The following DOCK5 variants were observed in gnomAD, a reference collection of about 807,000 sequenced individuals.
The protein encoded by DOCK5 is dedicator of cytokinesis 5.
Under a neutral mutation model 251.8 loss-of-function variants are expected in DOCK5, and 142 were observed. The ratio of observed to expected loss-of-function variants is 0.56; its 90% CI spans 0.49 to 0.65. The LOEUF (loss-of-function observed/expected upper bound fraction) is 0.65, where lower values mean the gene tolerates loss of function less well. Ranked by LOEUF, DOCK5 falls within the 30% of genes least tolerant of loss-of-function variation. The pLI, the probability that DOCK5 is intolerant of heterozygous loss-of-function variation, is 0.00. For missense variants in DOCK5, 2,111 were observed against 2,312.3 expected, an observed-to-expected ratio of 0.91 and a Z score of 1.79; for synonymous variants, 842 against 835.5, an observed-to-expected ratio of 1.01 and a Z score of -0.13.
chr8:25,398,999 G>T (rs376592685), intron 45 of DOCK5, among the ~76,000 whole-genome samples: 11 of 152,262 alleles, frequency 7.2e-5, no homozygotes, highest in African/African-American at 2.6e-4. Context: ...GGAGCTCTTG[G>T]TTTTATATAA....
chr8:25,282,480 TTACTAGTATGTAGCAA>T (rs1804220534), intron 5 of DOCK5, among the ~76,000 whole-genome samples: 1 of 152,166 alleles, frequency 6.6e-6, no homozygotes, highest in African/African-American at 2.4e-5. Context: ...AATACAGATT[TTACTAGTATGTAGCAA>T]TACTTGTATT....
chr8:25,385,318 T>C (rs1801146024), intron 40 of DOCK5, among the ~76,000 whole-genome samples: 1 of 152,080 alleles, frequency 6.6e-6, no homozygotes, highest in Admixed American at 6.6e-5. Context: ...TAAGAGACCA[T>C]TGCAGATGTT....
intron 7 of DOCK5, 48 bp from the exon 8 acceptor site, chr8:25,298,896 C>G: frequency 6.4e-7 from 1 of 1,550,656 alleles, no homozygotes; most frequent in Non-Finnish European, 8.7e-7. Context: ...GCCAACATTT[C>G]CCATTTGCCA....
rs1349407099 is a variant in DOCK5 at position 25,372,618 on chromosome 8, T to TTAGAAGA, written c.3584_3585insTAGAAGA (p.Leu1196ArgfsTer15). The stretch of plus-strand genomic sequence containing the variant: ...TCCAGCTCTGGGGAGGTCTTCGCCC[T>TTAGAAGA]CCTGGTCAGCAGCCTCTTAGAGAAC... On this transcript the variant is annotated frameshift_variant, in exon 35 of 52. Coordinates refer to ENST00000276440, the MANE Select transcript of DOCK5 (RefSeq NM_024940.8). LOFTEE classifies it high-confidence loss of function. 1 of 1,606,504 alleles carries TTAGAAGA rather than the reference T, an allele frequency of 6.2e-7. No individual in the cohort carries two copies. Among genetic ancestry groups the TTAGAAGA allele is most frequent in the African/African-American group, 1.3e-5 (1 of 74,530 alleles).
At chr8:25,392,239 G>T (rs2117321026) in intron 43 of DOCK5, among the ~76,000 whole-genome samples, 1 of 151,586 alleles carries the variant, frequency 6.6e-6, no homozygotes, top group South Asian at 2.1e-4. Context: ...AGGAGGCGGA[G>T]GTTGCAGTGA....
chr8:25,292,040 T>G lies in DOCK5; in HGVS notation c.338T>G (p.Leu113Arg), dbSNP rs772382334. The change falls in exon 6 of 52, where the codon CTC (leucine) becomes CGC (arginine). Residue 113 changes from leucine (L) to arginine (R), a missense_variant. Leu to Arg is a moderately radical substitution (Grantham distance 102, BLOSUM62 -2). This residue lies in a region of DOCK5 where 335 missense variants were observed against 324.9 expected (regional missense o/e 1.03). Coordinates refer to ENST00000276440, the MANE Select transcript of DOCK5 (RefSeq NM_024940.8). ...TCATCTTAGAACAACAAGCTCACCC[T>G]CTTCCGCCAGCTGCAGCAGATGACG... Reference protein sequence around the residue: ...RKLYVNNKLTLFRQLQQMTYS... With the variant: ...RKLYVNNKLTRFRQLQQMTYS... 1 of 1,598,974 alleles carries G rather than the reference T, an allele frequency of 6.3e-7. No individual in the cohort carries two copies. Among genetic ancestry groups the G allele is most frequent in the Non-Finnish European group, 8.5e-7 (1 of 1,173,016 alleles).
intron 9 of DOCK5, among the ~76,000 whole-genome samples, chr8:25,301,694 G>C (rs530018982): frequency 1.3e-5 from 1 of 77,864 alleles, no homozygotes; most frequent in East Asian, 3.8e-4. Context: ...AACATAGGGA[G>C]ACCTTGTCAA....
intron 9 of DOCK5, among the ~76,000 whole-genome samples, chr8:25,301,063 C>A (rs1392289649): frequency 6.6e-6 from 1 of 152,010 alleles, no homozygotes; most frequent in East Asian, 1.9e-4. Context: ...GGAAAAATGA[C>A]CTTAAAGTAC....
At chr8:25,217,244 ATATG>A (rs1802272146) in intron 1 of DOCK5, among the ~76,000 whole-genome samples, 1 of 150,818 alleles carries the variant, frequency 6.6e-6, no homozygotes, top group South Asian at 2.1e-4. Flanking sequence ...TATGTATACA[ATATG>A]TATATATGTA....
chr8:25,186,859 T>C (rs1801442420), intron 1 of DOCK5, among the ~76,000 whole-genome samples: 1 of 152,158 alleles, frequency 6.6e-6, no homozygotes, highest in African/African-American at 2.4e-5. Flanking sequence ...TTTTAATATT[T>C]TGTTTTTATG....
intron 22 of DOCK5, among the ~76,000 whole-genome samples, chr8:25,339,953 G>A (rs918820428): frequency 6.6e-6 from 1 of 152,216 alleles, no homozygotes; most frequent in African/African-American, 2.4e-5. Context: ...AGATACTCCA[G>A]CCCCATCTCA....
At chr8:25,245,771 C>A (rs1421155838) in intron 2 of DOCK5, among the ~76,000 whole-genome samples, 12 of 152,114 alleles carry the variant, frequency 7.9e-5, no homozygotes. Flanking sequence ...AACTCCTGAG[C>A]TCAGGTGATA....
rs140363230 is a variant in DOCK5 at position 25,266,898 on chromosome 8, G to C, written c.128-1947G>C. Among the ~76,000 whole-genome samples the C allele has an allele frequency of 8.2e-4, 125 of 152,266 alleles. 1 individual carries two copies. Among genetic ancestry groups the C allele is most frequent in the Admixed American group, 2.2e-3 (33 of 15,286 alleles). Reference sequence around the variant, plus strand: ...TAGGAAGCATAATTCCGTGATGAATGGTTGTGCAAAATACTGTTTACAAAC... The same window carrying C: ...TAGGAAGCATAATTCCGTGATGAATCGTTGTGCAAAATACTGTTTACAAAC... On this transcript the variant is annotated intron_variant, in intron 2 of 51. Transcript: ENST00000276440.
intron 5 of DOCK5, among the ~76,000 whole-genome samples, chr8:25,281,535 G>A (rs1804193779): frequency 6.7e-6 from 1 of 149,874 alleles, no homozygotes; most frequent in African/African-American, 2.5e-5. Context: ...AGGTCTTGTT[G>A]AACATTTCCT....
At chr8:25,363,329 C>G (rs1242225347) in intron 29 of DOCK5, among the ~76,000 whole-genome samples, 188 bp downstream of exon 29, 1 of 152,188 alleles carries the variant, frequency 6.6e-6, no homozygotes, top group African/African-American at 2.4e-5. Context: ...TGCCTTTGCT[C>G]CACCTCGGGC....
intron 37 of DOCK5, chr8:25,375,801 G>A (rs1413410133): frequency 1.0e-6 from 1 of 985,204 alleles, no homozygotes; most frequent in Non-Finnish European, 1.2e-6. Context: ...GCATTAAAAA[G>A]CTTATTGTAT....
At chr8:25,328,036 A>T (rs1165668323) in intron 18 of DOCK5, among the ~76,000 whole-genome samples, 1 of 152,158 alleles carries the variant, frequency 6.6e-6, no homozygotes, top group African/African-American at 2.4e-5. Context: ...TAATAAAATT[A>T]AATTATAAAT....
At chr8:25,246,764 C>T (rs998256944) in intron 2 of DOCK5, among the ~76,000 whole-genome samples, 9 of 79,212 alleles carry the variant, frequency 1.1e-4, no homozygotes, top group Admixed American at 2.7e-4. Flanking sequence ...GTGGCGGGGG[C>T]GGGGTGGGGC....
chr8:25,391,951 G>A lies in DOCK5; in HGVS notation c.4411G>A (p.Gly1471Arg). 6.2e-7 allele frequency: 1 copy of A among 1,613,910 alleles called. No individual in the cohort carries two copies. Among genetic ancestry groups the A allele is most frequent in the Non-Finnish European group, 8.5e-7 (1 of 1,179,856 alleles). The change falls in exon 43 of 52, where the codon GGA becomes AGA. Residue 1471 changes from glycine (G) to arginine (R), a missense_variant. By Grantham distance (125) the Gly-to-Arg change is moderately radical. Coordinates refer to ENST00000276440, the MANE Select transcript of DOCK5 (RefSeq NM_024940.8). ...QFRYSRPFRKGEKDPDNEFAT... is the reference protein window; with the variant it reads ...QFRYSRPFRKREKDPDNEFAT... Reference sequence around the variant, plus strand: ...CAGATACTCCCGGCCGTTCCGGAAAGGAGAAAAGGATCCAGACAATGAATT... The same window carrying A: ...CAGATACTCCCGGCCGTTCCGGAAAAGAGAAAAGGATCCAGACAATGAATT...
Sources: allele counts gnomAD v4.1 joint callset (sites outside exome capture counted in the v4.1 genomes callset), GRCh38; gene constraint gnomAD v4.1.1; regional missense constraint gnomAD v4.1.1; transcripts MANE v1.5; gene names NCBI Gene and HGNC (gene_info 2026-07-23, HGNC 2026-07-21).